Variants in RBMS3 observed in about 807,000 individuals in gnomAD.
RBMS3 encodes RNA-binding motif, single-stranded-interacting protein 3.
RBMS3 carries 27 observed loss-of-function variants against 66.8 expected under a neutral mutation model. That is an observed-to-expected ratio of 0.40 (90% CI 0.30 to 0.56). The LOEUF (loss-of-function observed/expected upper bound fraction) is 0.56, where lower values mean the gene tolerates loss of function less well. Among genes scored for constraint, RBMS3 ranks in the 20% least tolerant of loss-of-function variants. The pLI, the probability that RBMS3 is intolerant of heterozygous loss-of-function variation, is 0.40. For missense variants in RBMS3, 513 were observed against 549.5 expected (o/e 0.93, Z 0.66); for synonymous variants, 188 against 183.0 (o/e 1.03, Z -0.22).
At chr3:29,451,348 A>G (rs2042012575) in intron 2 of RBMS3, among the ~76,000 whole-genome samples, 1 of 152,152 alleles carries the variant, frequency 6.6e-6, no homozygotes, top group South Asian at 2.1e-4. Flanking sequence ...AAAGATTATT[A>G]TGGGACATTG....
intron 4 of RBMS3, among the ~76,000 whole-genome samples, chr3:29,622,804 C>T (rs2149158717): frequency 6.6e-6 from 1 of 152,242 alleles, no homozygotes; most frequent in South Asian, 2.1e-4. Context: ...CCTCAGTGTG[C>T]TCATCTGTAA....
intron 4 of RBMS3, among the ~76,000 whole-genome samples, chr3:29,590,747 A>G (rs1301755483): frequency 6.6e-6 from 1 of 152,102 alleles, no homozygotes; most frequent in Non-Finnish European, 1.5e-5. Context: ...AATCCCTGCT[A>G]ACAATAAGTT....
intron 6 of RBMS3, among the ~76,000 whole-genome samples, chr3:29,780,237 T>G (rs1241038598): frequency 6.6e-6 from 1 of 151,928 alleles, no homozygotes; most frequent in Non-Finnish European, 1.5e-5. Context: ...CGCTTTGAAT[T>G]GATTATAACT....
Position 29,579,975 on chromosome 3 carries a change from A to G in RBMS3, c.308-7139A>G, listed in dbSNP as rs186986560. ...AGCAATTTCTCTCATTTAAAAATCA[A>G]TTGAACATGATGAAGAGGAAAGTGA... On this transcript the variant is annotated intron_variant, in intron 3 of 14. Transcript: ENST00000383767. Among the ~76,000 whole-genome samples the G allele has an allele frequency of 3.9e-5, 6 of 152,350 alleles. No individual in the cohort carries two copies. In the East Asian group the frequency reaches 5.8e-4, roughly 15 times the overall value.
chr3:29,899,222 T>C (rs567668219), intron 9 of RBMS3, among the ~76,000 whole-genome samples: 1 of 151,858 alleles, frequency 6.6e-6, no homozygotes, highest in Non-Finnish European at 1.5e-5. Context: ...CCCCAAATTT[T>C]TGGTTTATCT....
intron 6 of RBMS3, among the ~76,000 whole-genome samples, chr3:29,865,989 C>T (rs1046945878): frequency 2.7e-5 from 4 of 148,722 alleles, no homozygotes; most frequent in Non-Finnish European, 2.9e-5. Context: ...TATTAGTTGC[C>T]TCATAGAGTT....
At chr3:29,796,712 C>CTTTTTGTTTTT in intron 6 of RBMS3, among the ~76,000 whole-genome samples, 1 of 115,288 alleles carries the variant, frequency 8.7e-6, no homozygotes, top group Non-Finnish European at 1.7e-5. Context: ...TGAAAGGAAT[C>CTTTTTGTTTTT]TTTTTTTTTT....
At position 29,489,901 on chromosome 3, in the gene RBMS3, G is replaced by A. The variant is rs367860287; in HGVS notation, c.307+1402G>A. ...CTACTAAAAATACAAAGATTAGCTG[G>A]GCACGGTTGTAGGCACCTGTAATCC... On this transcript the variant is annotated intron_variant, in intron 3 of 14. Coordinates refer to ENST00000383767, the MANE Select transcript of RBMS3 (RefSeq NM_001003793.3). 1.6e-3 allele frequency among the ~76,000 whole-genome samples: 250 copies of A among 151,748 alleles called. 1 individual carries two copies. The highest frequency in any genetic ancestry group is 5.9e-3 in the African/African-American group (243 of 41,404).
At chr3:29,476,063 A>C (rs74523129) in intron 2 of RBMS3, among the ~76,000 whole-genome samples, 6,139 of 152,230 alleles carry the variant, frequency 0.04, 161 homozygotes, top group Admixed American at 0.096. Flanking sequence ...TGTGGAATGA[A>C]AGGCATGCAC....
intron 3 of RBMS3, among the ~76,000 whole-genome samples, chr3:29,568,980 G>T (rs1245027577): frequency 6.6e-6 from 1 of 152,040 alleles, no homozygotes; most frequent in African/African-American, 2.4e-5. Flanking sequence ...TGGCTTTCTT[G>T]GGGATCTTGT....
In RBMS3 at chr3:29,901,691, T is replaced by C. The variant is rs557080417; in HGVS notation, c.939+1936T>C. 5.3e-5 allele frequency among the ~76,000 whole-genome samples: 8 copies of C among 151,966 alleles called. No individual in the cohort carries two copies. In the East Asian group the frequency reaches 1.6e-3, roughly 30 times the overall value. ...CCTTTTAGATTTTCCTTGCTGTGGC[T>C]ACTACTCAGAGCTGATATCGTATCA... On this transcript the variant is annotated intron_variant, in intron 10 of 14. Transcript: ENST00000383767.
intron 8 of RBMS3, among the ~76,000 whole-genome samples, chr3:29,889,277 A>G (rs2059945002): frequency 6.6e-6 from 1 of 151,688 alleles, no homozygotes; most frequent in African/African-American, 2.4e-5. Context: ...ATGCACACAC[A>G]CCATATAGAT....
intron 6 of RBMS3, among the ~76,000 whole-genome samples, chr3:29,790,606 C>T (rs991814005): frequency 7.2e-5 from 11 of 151,978 alleles, no homozygotes; most frequent in Non-Finnish European, 5.9e-5. Flanking sequence ...CTAAAATGAC[C>T]CAGCCAATAC....
intron 2 of RBMS3, among the ~76,000 whole-genome samples, chr3:29,462,844 T>C (rs1266999012): frequency 6.6e-6 from 1 of 152,208 alleles, no homozygotes; most frequent in Non-Finnish European, 1.5e-5. Flanking sequence ...GAAAATGAAG[T>C]GGCAATTATA....
intron 7 of RBMS3, among the ~76,000 whole-genome samples, chr3:29,876,902 A>G (rs1190421527): frequency 2.6e-5 from 4 of 152,158 alleles, no homozygotes; most frequent in Non-Finnish European, 5.9e-5. Flanking sequence ...GCCAGATTTT[A>G]TCTTAAGGTA....
At chr3:30,001,813 A>G (rs4680866) in intron 14 of RBMS3, among the ~76,000 whole-genome samples, 21,942 of 150,492 alleles carry the variant, frequency 0.15, 1,879 homozygotes, top group Middle Eastern at 0.22. Context: ...TTATTTATTT[A>G]TTTTATTTCT....
chr3:29,713,214 T>C (rs953546365), intron 4 of RBMS3, among the ~76,000 whole-genome samples: 2 of 152,012 alleles, frequency 1.3e-5, no homozygotes, highest in African/African-American at 4.8e-5. Context: ...TTCCCCCCCA[T>C]TAATGATCAC....
At chr3:29,372,298 C>T (rs772106779) in intron 1 of RBMS3, among the ~76,000 whole-genome samples, 1 of 151,920 alleles carries the variant, frequency 6.6e-6, no homozygotes, top group Admixed American at 6.6e-5. Flanking sequence ...CACTGCACTC[C>T]AGCCTGGGTG....
chr3:29,313,188 G>A (rs2034482608), intron 1 of RBMS3, among the ~76,000 whole-genome samples: 1 of 151,648 alleles, frequency 6.6e-6, no homozygotes. Flanking sequence ...TCAAGTAAGG[G>A]TGGTCCCACA....
Sources: allele counts gnomAD v4.1 joint callset (sites outside exome capture counted in the v4.1 genomes callset), GRCh38; gene constraint gnomAD v4.1.1; transcripts MANE v1.5; gene names NCBI Gene and HGNC (gene_info 2026-07-23, HGNC 2026-07-21).